MLH3: variants seen among roughly 807,000 people sequenced by gnomAD.
MLH3 encodes DNA mismatch repair protein Mlh3.
In MLH3, 82 loss-of-function variants were observed where a neutral mutation model predicts 122.2. The ratio of observed to expected loss-of-function variants is 0.67; its 90% confidence interval spans 0.56 to 0.81. The LOEUF is 0.81. Ranked by LOEUF, MLH3 falls within the 30% of genes least tolerant of loss-of-function variation. The probability of loss-of-function intolerance (pLI) is 0.00; values close to 1 mark genes in which losing one functional copy is unlikely to be tolerated. For synonymous variants in MLH3, 524 were observed against 599.5 expected, an observed-to-expected ratio of 0.87 and a Z score of 1.84; for missense variants, 1,539 against 1,714.5, an observed-to-expected ratio of 0.90 and a Z score of 1.81.
chr14:75,025,200 C>T (rs1470467290), intron 9 of MLH3, among the ~76,000 whole-genome samples: 1 of 152,172 alleles, frequency 6.6e-6, no homozygotes, highest in Non-Finnish European at 1.5e-5. Flanking sequence ...TAGCTCTCAC[C>T]CCATCTCTCT....
intron 8 of MLH3, among the ~76,000 whole-genome samples, chr14:75,031,499 T>C (rs1441432680): frequency 6.6e-6 from 1 of 152,200 alleles, no homozygotes; most frequent in Non-Finnish European, 1.5e-5. Context: ...CTCTATCCTA[T>C]ACTCTTCAGC....
intron 1 of MLH3, chr14:75,051,140 G>A (rs1245452229): frequency 6.6e-6 from 1 of 152,242 alleles, no homozygotes; most frequent in African/African-American, 2.4e-5. Flanking sequence ...GGGCACGGGG[G>A]CCTGGGAGGG....
intron 9 of MLH3, among the ~76,000 whole-genome samples, chr14:75,023,936 A>G (rs1323933398): frequency 6.6e-6 from 1 of 152,166 alleles, no homozygotes; most frequent in Non-Finnish European, 1.5e-5. Flanking sequence ...AGTAGATACT[A>G]TATTACATAT....
chr14:75,024,479 T>C (rs752652490), intron 9 of MLH3, among the ~76,000 whole-genome samples: 1 of 152,090 alleles, frequency 6.6e-6, no homozygotes, highest in Non-Finnish European at 1.5e-5. Flanking sequence ...GGGATTACAG[T>C]TGTGAGCCAC....
rs140997957 is a variant in MLH3, at chr14:75,042,433, G to A, written c.3325C>T (p.Pro1109Ser). 24 of 1,614,076 alleles carry A rather than the reference G, an allele frequency of 1.5e-5. No individual in the cohort carries two copies. The highest frequency in any genetic ancestry group is 1.9e-5 in the Non-Finnish European group (22 of 1,180,038). The change falls in exon 3 of 13, where the codon CCT becomes TCT. Residue 1109 changes from proline to serine, a missense_variant. Coordinates refer to ENST00000355774, the MANE Select transcript of MLH3 (RefSeq NM_001040108.2). ...CQPFRSDLVLPFLPRARAERT... is the reference protein window; with the variant it reads ...CQPFRSDLVLSFLPRARAERT... ...TCTGCTCGAGCTCTCGGAAGGAAAG[G>A]AAGAACAAGGTCGCTTCTAAAAGGT...
chr14:75,020,243 C>T (rs1253821066), intron 11 of MLH3, among the ~76,000 whole-genome samples: 1 of 152,124 alleles, frequency 6.6e-6, no homozygotes, highest in Non-Finnish European at 1.5e-5. Context: ...AGGCAGGGGC[C>T]AAATCACGAA....
chr14:75,020,399 G>A (rs1027262432), intron 11 of MLH3, among the ~76,000 whole-genome samples: 2 of 152,194 alleles, frequency 1.3e-5, no homozygotes. Context: ...CAGCTTGAAA[G>A]GGAGCCAGAG....
chr14:75,037,892 C>T (rs922089668), intron 6 of MLH3, among the ~76,000 whole-genome samples: 1 of 152,164 alleles, frequency 6.6e-6, no homozygotes. Flanking sequence ...GTTTAATGTG[C>T]ATCCTGAGTA....
At chr14:75,030,021 G>C (rs1890936576) in intron 9 of MLH3, among the ~76,000 whole-genome samples, 1 of 152,078 alleles carries the variant, frequency 6.6e-6, no homozygotes, top group South Asian at 2.1e-4. Flanking sequence ...AGGCATGGTG[G>C]TGCGTGTCTG....
At chr14:75,018,690 T>A (rs1467969382) in intron 12 of MLH3, 139 bp downstream of exon 12, 2 of 917,544 alleles carry the variant, frequency 2.2e-6, no homozygotes, top group Non-Finnish European at 3.5e-6. Flanking sequence ...TGAGGCTTTA[T>A]GTGAAACTTC....
chr14:75,031,301 A>G (rs919433179), intron 8 of MLH3, among the ~76,000 whole-genome samples: 3 of 152,196 alleles, frequency 2.0e-5, no homozygotes, highest in African/African-American at 7.2e-5. Flanking sequence ...TTACATCCCA[A>G]TGTTTTACTT....
intron 6 of MLH3, among the ~76,000 whole-genome samples, chr14:75,037,670 G>A (rs1349352512): frequency 6.6e-6 from 1 of 151,978 alleles, no homozygotes; most frequent in Non-Finnish European, 1.5e-5. Context: ...AATAAAAGAT[G>A]GGCTGGGCGT....
Position 75,032,131 on chromosome 14 carries a change from A to G in MLH3, c.3764T>C (p.Leu1255Pro). The change falls in exon 8 of 13, where the codon CTG (leucine) becomes CCG (proline). Residue 1255 changes from leucine to proline, a missense_variant. By Grantham distance (98) the Leu-to-Pro change is moderately conservative. Coordinates refer to ENST00000355774, the MANE Select transcript of MLH3 (RefSeq NM_001040108.2). ...TAGCGGAGGAATTAGAGTAGAAGAC[A>G]GTAATTTTTTCCGACCAGAGCCTTG... ...QAQGSGRKKL[L>P]SSTLIPPLEI... 1 of 1,614,108 alleles carries G rather than the reference A, an allele frequency of 6.2e-7. No individual in the cohort carries two copies. The highest frequency in any genetic ancestry group is 8.5e-7 in the Non-Finnish European group (1 of 1,179,938).
In MLH3 at chr14:75,038,413, C is replaced by A. The variant is rs1891572466; in HGVS notation, c.3571-1G>T. 1.9e-6 allele frequency: 3 copies of A among 1,600,318 alleles called. No homozygotes were observed. Among genetic ancestry groups the A allele is most frequent in the Non-Finnish European group, 2.6e-6 (3 of 1,167,690 alleles). ...ACTTGTTATCTACTTGCTGGAGAAC[C>A]TGTCAGACATTCAAATAAGTGGTAC... On this transcript the variant is annotated splice_acceptor_variant, in intron 5 of 12. Transcript: ENST00000355774. LOFTEE classifies it high-confidence loss of function.
rs755892150 is a variant in MLH3, at chr14:75,046,366, A to G, written c.3280+10T>C. ...AAAGCATCTCATGCACATGAATACT[A>G]CGTACTTACCATTCTCAAGTACAAC... is the stretch of plus-strand genomic sequence containing the variant. On this transcript the variant is annotated intron_variant, in intron 2 of 12. Coordinates refer to ENST00000355774, the MANE Select transcript of MLH3 (RefSeq NM_001040108.2). The G allele has an allele frequency of 8.7e-6, 14 of 1,613,578 alleles. No individual in the cohort carries two copies. In the African/African-American group the frequency reaches 1.5e-4, roughly 17 times the overall value.
chr14:75,049,609 C>A lies in MLH3; in HGVS notation c.47G>T (p.Gly16Val), dbSNP rs2139614769. The change falls in exon 2 of 13, where the codon GGT becomes GTT. Residue 16 changes from glycine to valine, a missense_variant. Physicochemically the swap from Gly to Val is moderately radical, Grantham distance 109. Transcript: ENST00000355774. ...TTGGCCCAAGGAGCTTATGGCCAAA[C>A]CAGAACGCAATTTGGCTTGTACTTC... ...SVEVQAKLRS[G>V]LAISSLGQCV... 4 of 1,614,150 alleles carry A rather than the reference C, an allele frequency of 2.5e-6. No homozygotes were observed. The highest frequency in any genetic ancestry group is 3.4e-6 in the Non-Finnish European group (4 of 1,180,026).
intron 6 of MLH3, among the ~76,000 whole-genome samples, chr14:75,034,620 T>C (rs1029679366): frequency 2.7e-4 from 41 of 152,148 alleles, no homozygotes; most frequent in South Asian, 6.2e-4. Flanking sequence ...TCTTTTTTTT[T>C]CCCAACCATT....
Position 75,049,157 on chromosome 14 carries a change from C to G in MLH3, c.499G>C (p.Glu167Gln), listed in dbSNP as rs1892486406. ...ATTCTCTGCCTAACCTTCTCAAACTCCAGTCTAGGGTCCATGCATTTCCTC... is the reference window on the plus strand; with the variant it reads ...ATTCTCTGCCTAACCTTCTCAAACTGCAGTCTAGGGTCCATGCATTTCCTC... The part of the protein sequence containing the change: ...VRRKCMDPRL[E>Q]FEKVRQRIEA... The change falls in exon 2 of 13, where the codon GAG (glutamate) becomes CAG (glutamine). Residue 167 changes from glutamate to glutamine, a missense_variant. By Grantham distance (29) the Glu-to-Gln change is conservative (BLOSUM62 2). Transcript: ENST00000355774. 2.5e-6 allele frequency: 4 copies of G among 1,614,156 alleles called. No individual in the cohort carries two copies. The highest frequency in any genetic ancestry group is 3.4e-6 in the Non-Finnish European group (4 of 1,180,018).
In MLH3 at chr14:75,046,851, G is replaced by A. The variant is rs1892268760; in HGVS notation, c.2805C>T (p.Ile935=). The A allele has an allele frequency of 1.2e-6, 2 of 1,613,940 alleles. No individual in the cohort carries two copies. The highest frequency in any genetic ancestry group is 2.7e-5 in the African/African-American group (2 of 74,934). The part of the protein sequence containing the change: ...NKHEKTENGV[I]PTSDSATQDN... ...CCTGTGTGGCAGAATCTGATGTTGG[G>A]ATGACACCATTCTCTGTTTTTTCAT... is the stretch of plus-strand genomic sequence containing the variant. The change falls in exon 2 of 13, where the codon ATC becomes ATT. Residue 935 remains isoleucine (I), a synonymous_variant. Coordinates refer to ENST00000355774, the MANE Select transcript of MLH3 (RefSeq NM_001040108.2).
Sources: allele counts gnomAD v4.1 joint callset (sites outside exome capture counted in the v4.1 genomes callset), GRCh38; gene constraint gnomAD v4.1.1; transcripts MANE v1.5; gene names NCBI Gene and HGNC (gene_info 2026-07-23, HGNC 2026-07-21).